MYO15B: variants seen among roughly 807,000 people sequenced by gnomAD.
The protein encoded by MYO15B is myosin XVB, also known as myosin XVB pseudogene.
In MYO15B, 207 loss-of-function variants were observed where a neutral mutation model predicts 119.3. The ratio of observed to expected loss-of-function variants is 1.73; its 90% CI spans 1.55 to 1.95. The LOEUF (loss-of-function observed/expected upper bound fraction) is 1.95. Ranked by LOEUF, MYO15B falls within the 30% of genes most tolerant of loss-of-function variation. MYO15B has a pLI of 0.00. For synonymous variants in MYO15B, 966 were observed against 498.9 expected (o/e 1.94, Z -12.48); for missense variants, 2,264 against 1,203.1 (o/e 1.88, Z -13.04).
At chr17:75,610,360 C>T (rs535365771) in intron 22 of MYO15B, 101 bp downstream of exon 22, 12 of 578,384 alleles carry the variant, frequency 2.1e-5, no homozygotes, top group African/African-American at 7.6e-5. Flanking sequence ...AGCCCGGCCT[C>T]GCACGGGCTG....
At chr17:75,609,420 C>T (rs551125025) in intron 21 of MYO15B, among the ~76,000 whole-genome samples, 187 of 151,564 alleles carry the variant, frequency 1.2e-3, no homozygotes, top group Non-Finnish European at 2.1e-3. Flanking sequence ...AGCAATTCTC[C>T]TTCCTCAGCC....
intron 14 of MYO15B, among the ~76,000 whole-genome samples, chr17:75,597,419 T>C (rs1450018290): frequency 6.6e-6 from 1 of 152,214 alleles, no homozygotes; most frequent in Non-Finnish European, 1.5e-5. Context: ...GTCTATTCAT[T>C]CACTGACTCC....
At chr17:75,604,623 C>T (rs2057505413) in intron 19 of MYO15B, among the ~76,000 whole-genome samples, 1 of 149,162 alleles carries the variant, frequency 6.7e-6, no homozygotes, top group Non-Finnish European at 1.5e-5. Flanking sequence ...TTGGGAACCA[C>T]ATTCCTGTTG....
intron 63 of MYO15B, 69 bp downstream of exon 63, chr17:75,626,297 G>A (rs1043815216): frequency 7.2e-6 from 5 of 698,786 alleles, no homozygotes; most frequent in South Asian, 4.5e-5. Flanking sequence ...ATGGCGTGCA[G>A]TGGGAGCCCA....
At chr17:75,593,477 A>ACACGTGCCTGGG (rs2056618141) in intron 9 of MYO15B, among the ~76,000 whole-genome samples, 1 of 151,770 alleles carries the variant, frequency 6.6e-6, no homozygotes, top group Non-Finnish European at 1.5e-5. Flanking sequence ...ACGTGCCTGG[A>ACACGTGCCTGGG]TGTGGTGGCA....
At chr17:75,609,485 ATTTTTTTTTTTTTT>A (rs749247022) in intron 21 of MYO15B, among the ~76,000 whole-genome samples, 1 of 77,996 alleles carries the variant, frequency 1.3e-5, no homozygotes, top group South Asian at 4.7e-4. Context: ...AAGGGAAATG[ATTTTTTTTTTTTTT>A]TTTTTTTTTT....
At chr17:75,625,800 G>A in intron 61 of MYO15B, 44 bp from the exon 62 acceptor site, 1 of 701,402 alleles carries the variant, frequency 1.4e-6, no homozygotes, top group Non-Finnish European at 2.6e-6. Context: ...AGGTTCCAGG[G>A]CCCCAGCAGT....
chr17:75,588,194 A>C (rs707710), exon 1 of MYO15B: 270,354 of 397,864 alleles, frequency 0.68, 99,615 homozygotes, highest in East Asian at 0.87. Context: ...GGGCAGGCGG[A>C]CAGGGCGAAA....
In MYO15B at chr17:75,592,667, T is replaced by C. The variant is rs1429997647; in HGVS notation, c.2830-12T>C. ...GCAGGCCCCGCTCCCTCACCCCTGC[T>C]GTGCTCTGCAGGGCCAGGCCTGCAG... is the stretch of plus-strand genomic sequence containing the variant. On this transcript the variant is annotated splice_polypyrimidine_tract_variant and intron_variant, in intron 8 of 63. Coordinates refer to ENST00000645453, the Ensembl canonical transcript of MYO15B. 1.4e-6 allele frequency: 1 copy of C among 698,202 alleles called. No homozygotes were observed. The highest frequency in any genetic ancestry group is 2.6e-6 in the Non-Finnish European group (1 of 383,194). 43.3% of individuals were successfully genotyped at this position (698,202 alleles called of 1,614,324 possible). A position where few individuals can be genotyped will look rare whatever the true frequency, so the allele number is the denominator to read the frequency against.
Position 75,594,623 on chromosome 17 carries a change from C to T in MYO15B, c.3105+35C>T, listed in dbSNP as rs1339049387. Reference sequence around the variant, plus strand: ...AGGGTCCTGGGGAGAGGGGCCTGGCCTGGCTGACCCACAGGCTGAGTAAGC... The same window carrying T: ...AGGGTCCTGGGGAGAGGGGCCTGGCTTGGCTGACCCACAGGCTGAGTAAGC... On this transcript the variant is annotated intron_variant, in intron 10 of 63. Transcript: ENST00000645453. 7 of 693,294 alleles carry T rather than the reference C, an allele frequency of 1.0e-5. 1 individual carries two copies. The highest frequency in any genetic ancestry group is 4.1e-5 in the Admixed American group (2 of 49,310). The allele number at this position is 693,294 out of a possible 1,614,324, so 42.9% of individuals were successfully genotyped here.
rs557707124 is a variant in MYO15B, at chr17:75,624,144, A to G, written c.8273-31A>G. 1.0e-5 allele frequency: 7 copies of G among 702,724 alleles called. No homozygotes were observed. The African/African-American group carries it at 1.2e-4, about 12-fold the overall frequency. 43.5% of individuals were successfully genotyped at this position (702,724 alleles called of 1,614,324 possible). ...TTGGTGGGCTTGGGGAGACATGGCC[A>G]TCTCATAACCCCAGGCTGGCTTCTC... On this transcript the variant is annotated intron_variant, in intron 55 of 63. Transcript: ENST00000645453.
chr17:75,615,037 C>T (rs970641854), exon 33 of MYO15B: 2 of 702,682 alleles, frequency 2.8e-6, no homozygotes, highest in African/African-American at 3.5e-5. Context: ...CAGGGCTACC[C>T]CATGGGTGAG....
chr17:75,604,937 G>A (rs1222055185), intron 19 of MYO15B, among the ~76,000 whole-genome samples: 1 of 151,770 alleles, frequency 6.6e-6, no homozygotes, highest in Non-Finnish European at 1.5e-5. Flanking sequence ...TCAGGAGATT[G>A]AGACCAGCTG....
chr17:75,613,725 G>C (rs1317630272), exon 29 of MYO15B: 1 of 702,530 alleles, frequency 1.4e-6, no homozygotes, highest in Admixed American at 2.0e-5. Context: ...CTCGGCCGAG[G>C]TGGAGTCTTG....
exon 1 of MYO15B, chr17:75,588,934 C>A: frequency 2.5e-6 from 1 of 398,278 alleles, no homozygotes; most frequent in Non-Finnish European, 4.4e-6. Flanking sequence ...AGAAACAATG[C>A]AGGCCTCGAC....
chr17:75,605,362 G>A (rs909041926), intron 19 of MYO15B, 142 bp from the exon 20 acceptor site: 24 of 591,176 alleles, frequency 4.1e-5, no homozygotes, highest in Admixed American at 8.6e-5. Flanking sequence ...GCCTGAACCC[G>A]GGAGGCGGAG....
At chr17:75,618,694 T>C (rs1363066188) in intron 43 of MYO15B, among the ~76,000 whole-genome samples, 3 of 152,332 alleles carry the variant, frequency 2.0e-5, no homozygotes, top group East Asian at 1.9e-4. Flanking sequence ...GTTTTATAGA[T>C]AAAGTTTAAA....
At chr17:75,591,994 T>A (rs1316746202) in exon 6 of MYO15B, 1 of 702,696 alleles carries the variant, frequency 1.4e-6, no homozygotes, top group Admixed American at 2.0e-5. Flanking sequence ...ATATGCTGCC[T>A]ATACTCAGCA....
chr17:75,623,191 C>T (rs1218563158), intron 53 of MYO15B, among the ~76,000 whole-genome samples: 1 of 151,960 alleles, frequency 6.6e-6, no homozygotes, highest in African/African-American at 2.4e-5. Flanking sequence ...ATTAGCTGGG[C>T]GTGGTGGAGC....
Sources: gnomAD v4.1 joint callset for allele counts (sites outside exome capture counted in the v4.1 genomes callset) on GRCh38, gnomAD v4.1.1 for gene constraint, MANE v1.5 for transcripts, NCBI Gene and HGNC (gene_info 2026-07-23, HGNC 2026-07-21) for gene names.